Variants in DNAH14 observed in about 807,000 individuals in gnomAD.
DNAH14 encodes the protein dynein axonemal heavy chain 14.
In DNAH14, 478 loss-of-function variants were observed where a neutral mutation model predicts 520.9. The observed-to-expected ratio is 0.92, with a 90% CI of 0.85 to 0.99. The LOEUF is 0.99. Among genes scored for constraint, DNAH14 ranks in the 50% least tolerant of loss-of-function variants. The probability of loss-of-function intolerance (pLI) is 0.00; values close to 1 mark genes in which losing one functional copy is unlikely to be tolerated. For missense variants in DNAH14, 4,831 were observed against 5,234.5 expected, an observed-to-expected ratio of 0.92 and a Z score of 2.38; for synonymous variants, 1,581 against 1,757.2, an observed-to-expected ratio of 0.90 and a Z score of 2.51.
chr1:225,034,311 G>C (rs2066769657), intron 11 of DNAH14, among the ~76,000 whole-genome samples: 1 of 152,130 alleles, frequency 6.6e-6, no homozygotes, highest in South Asian at 2.1e-4. Flanking sequence ...CATCTGTTGA[G>C]ATAATCATAC....
intron 27 of DNAH14, among the ~76,000 whole-genome samples, chr1:225,133,287 A>C (rs182784440): frequency 1.1e-3 from 171 of 152,224 alleles, no homozygotes; most frequent in African/African-American, 4.0e-3. Context: ...AATTTTTTTC[A>C]TGAAGTCTTT....
intron 57 of DNAH14, among the ~76,000 whole-genome samples, chr1:225,304,076 G>T (rs2150085864): frequency 6.6e-6 from 1 of 152,278 alleles, no homozygotes; most frequent in East Asian, 1.9e-4. Flanking sequence ...GACTGGAGAT[G>T]AATCATCAGG....
Position 224,946,455 on chromosome 1 carries a change from C to T in DNAH14, c.-33-6215C>T, listed in dbSNP as rs372980196. Among the ~76,000 whole-genome samples the T allele has an allele frequency of 1.3e-3, 198 of 152,240 alleles. 2 individuals carry two copies. Among genetic ancestry groups the T allele is most frequent in the Middle Eastern group, 6.8e-3 (2 of 294 alleles). ...CTTGAGCTTCCCTTGCTTCGGCTCA[C>T]GCTCGGTGTGCTGCACCCACTGTCC... On this transcript the variant is annotated intron_variant, in intron 1 of 85. Coordinates refer to ENST00000682510, the MANE Select transcript of DNAH14 (RefSeq NM_001367479.1).
In DNAH14 at chr1:225,358,550, G is replaced by A; in HGVS notation, c.11674G>A (p.Glu3892Lys). The A allele has an allele frequency of 6.5e-7, 1 of 1,547,822 alleles. No homozygotes were observed. The highest frequency in any genetic ancestry group is 8.7e-7 in the Non-Finnish European group (1 of 1,145,318). ...CAATTCAGTGAGAAAGTTTATAACTGAAAAAATGGGAAATAAGTATCTTCA... is the reference window on the plus strand; with the variant it reads ...CAATTCAGTGAGAAAGTTTATAACTAAAAAAATGGGAAATAAGTATCTTCA... ...LNNSVRKFIT[E>K]KMGNKYLQRT... Residue 3892 changes from glutamate to lysine, a missense_variant, in exon 74 of 86, where the codon GAA (glutamate) becomes AAA (lysine). By Grantham distance (56) the Glu-to-Lys change is moderately conservative (BLOSUM62 1). Transcript: ENST00000682510.
Position 225,073,935 on chromosome 1 carries a change from C to T in DNAH14, c.2425-5272C>T, listed in dbSNP as rs147753382. 6.2e-4 allele frequency among the ~76,000 whole-genome samples: 94 copies of T among 150,880 alleles called. No homozygotes were observed. In the East Asian group the frequency reaches 0.017, roughly 28 times the overall value. ...TGACCTTGTGATCCACCTGCCTCGG[C>T]CTCCCAAAGTACTGGGATTACAGGC... is the stretch of plus-strand genomic sequence containing the variant. On this transcript the variant is annotated intron_variant, in intron 17 of 85. Coordinates refer to ENST00000682510, the MANE Select transcript of DNAH14 (RefSeq NM_001367479.1).
intron 17 of DNAH14, among the ~76,000 whole-genome samples, chr1:225,078,239 G>C (rs979271124): frequency 2.0e-5 from 3 of 152,004 alleles, no homozygotes; most frequent in African/African-American, 7.3e-5. Context: ...TCTGATCTTG[G>C]TACAATAAAC....
intron 1 of DNAH14, among the ~76,000 whole-genome samples, chr1:224,945,254 C>A (rs1472670745): frequency 1.3e-5 from 2 of 152,070 alleles, no homozygotes; most frequent in Non-Finnish European, 2.9e-5. Context: ...GATCTTCCAT[C>A]ACGGATACTC....
chr1:225,389,349 G>C (rs575143401), intron 82 of DNAH14, among the ~76,000 whole-genome samples: 26 of 152,356 alleles, frequency 1.7e-4, no homozygotes, highest in African/African-American at 6.3e-4. Flanking sequence ...TCCAAAGTCT[G>C]TGCCAGGCTG....
In DNAH14 at chr1:225,188,406, T is replaced by A. The variant is rs2084997956; in HGVS notation, c.5670+2981T>A. 2.0e-5 allele frequency among the ~76,000 whole-genome samples: 3 copies of A among 151,958 alleles called. 1 individual carries two copies. The highest frequency in any genetic ancestry group is 4.4e-5 in the Non-Finnish European group (3 of 67,876). ...TTACATTCATATCAGTTTTAAGTTA[T>A]TACATCATATTGTTTTAATTGTTCT... On this transcript the variant is annotated intron_variant, in intron 37 of 85. Transcript: ENST00000682510.
Position 225,001,495 on chromosome 1 carries a change from C to G in DNAH14, c.831-1288C>G, listed in dbSNP as rs564483670. ...AATTTGTGGTGAATTCCTTATAATACTTATGCTTGAAGACAGTCATCAGTC... is the reference window on the plus strand; with the variant it reads ...AATTTGTGGTGAATTCCTTATAATAGTTATGCTTGAAGACAGTCATCAGTC... On this transcript the variant is annotated intron_variant, in intron 8 of 85. Transcript: ENST00000682510. Among the ~76,000 whole-genome samples, 6 of 152,168 alleles carry G rather than the reference C, an allele frequency of 3.9e-5. No individual in the cohort carries two copies. The South Asian group carries it at 1.2e-3, about 32-fold the overall frequency.
chr1:225,194,346 A>G (rs1477679689), intron 38 of DNAH14, among the ~76,000 whole-genome samples: 1 of 152,176 alleles, frequency 6.6e-6, no homozygotes, highest in Non-Finnish European at 1.5e-5. Flanking sequence ...AGAATAGCCC[A>G]GAAATAATAC....
chr1:225,123,879 A>G (rs2077479956), intron 27 of DNAH14, among the ~76,000 whole-genome samples: 2 of 152,036 alleles, frequency 1.3e-5, no homozygotes, highest in African/African-American at 4.8e-5. Flanking sequence ...CAGCCTCCTG[A>G]GTAGCTGGGT....
chr1:224,996,799 G>A (rs1455496016), intron 8 of DNAH14, among the ~76,000 whole-genome samples: 1 of 152,202 alleles, frequency 6.6e-6, no homozygotes, highest in Non-Finnish European at 1.5e-5. Flanking sequence ...CAGCTGATAT[G>A]CTTAGTAGAA....
intron 66 of DNAH14, among the ~76,000 whole-genome samples, chr1:225,335,248 GTGTA>G (rs1454271292): frequency 7.3e-6 from 1 of 136,114 alleles, no homozygotes; most frequent in Non-Finnish European, 1.6e-5. Context: ...TGTACATTGT[GTGTA>G]TATGCACATA....
In DNAH14 at chr1:225,247,774, C is replaced by T. The variant is rs989124897; in HGVS notation, c.6749-4527C>T. On this transcript the variant is annotated intron_variant, in intron 43 of 85. Transcript: ENST00000682510. ...AGGTGTGGTGGCTCACGCCTGTAAT[C>T]CCAGCACTTTGGGAGGCCGAGGCAG... Among the ~76,000 whole-genome samples, 64 of 152,158 alleles carry T rather than the reference C, an allele frequency of 4.2e-4. 1 individual carries two copies. The highest frequency in any genetic ancestry group is 1.4e-3 in the African/African-American group (60 of 41,436).
Position 225,042,853 on chromosome 1 carries a change from G to A in DNAH14, c.1507G>A (p.Val503Met). ...DINEILNSVE[V>M]GKDLRKTYAP... ...AAATTAGATTTTGAATAGTGTTGAA[G>A]TGGGGAAGGATTTGAGAAAAACATA... Residue 503 changes from valine to methionine, a missense_variant, in exon 13 of 86, where the codon GTG (valine) becomes ATG (methionine). Transcript: ENST00000682510. 6.4e-7 allele frequency: 1 copy of A among 1,551,274 alleles called. No homozygotes were observed. Among genetic ancestry groups the A allele is most frequent in the Non-Finnish European group, 8.7e-7 (1 of 1,146,760 alleles).
chr1:225,272,724 G>A (rs1365392891), intron 51 of DNAH14, among the ~76,000 whole-genome samples: 1 of 152,044 alleles, frequency 6.6e-6, no homozygotes, highest in Non-Finnish European at 1.5e-5. Flanking sequence ...TGTGGCTGAG[G>A]AGTCCCCAAG....
chr1:225,127,641 A>T (rs1444461728), intron 27 of DNAH14, among the ~76,000 whole-genome samples: 1 of 152,086 alleles, frequency 6.6e-6, no homozygotes, highest in Non-Finnish European at 1.5e-5. Flanking sequence ...CAGCACACTG[A>T]TGGTTCTTGA....
intron 42 of DNAH14, among the ~76,000 whole-genome samples, chr1:225,235,447 AT>A (rs966951354): frequency 4.0e-5 from 6 of 151,028 alleles, no homozygotes; most frequent in South Asian, 2.1e-4. Flanking sequence ...GTTTGCCAGT[AT>A]TTTTTTTTAA....
Sources: gnomAD v4.1 joint callset for allele counts (sites outside exome capture counted in the v4.1 genomes callset) on GRCh38, gnomAD v4.1.1 for gene constraint, MANE v1.5 for transcripts, NCBI Gene and HGNC (gene_info 2026-07-23, HGNC 2026-07-21) for gene names.